HNRNPA1L2: variants seen among roughly 807,000 people sequenced by gnomAD.
HNRNPA1L2 encodes the protein heterogeneous nuclear ribonucleoprotein A1-like 2.
A neutral mutation model predicts 18.2 loss-of-function variants in HNRNPA1L2; 10 were observed. That is an observed-to-expected ratio of 0.55 (90% CI 0.34 to 0.93). The LOEUF (loss-of-function observed/expected upper bound fraction) is 0.93. Ranked by LOEUF, HNRNPA1L2 falls within the 40% of genes least tolerant of loss-of-function variation. HNRNPA1L2 has a pLI of 0.02. For missense variants in HNRNPA1L2, 308 were observed against 394.4 expected, an observed-to-expected ratio of 0.78 and a Z score of 1.85; for synonymous variants, 124 against 138.6, an observed-to-expected ratio of 0.89 and a Z score of 0.74.
upstream of HNRNPA1L2, chr13:52,641,728 C>T (rs1961663011): frequency 6.6e-6 from 1 of 152,192 alleles, no homozygotes; most frequent in South Asian, 2.1e-4. Context: ...GGAGTTGAGG[C>T]CCTATGTGGT....
the HNRNPA1L2 span, among the ~76,000 whole-genome samples, chr13:52,634,265 C>G: frequency 6.6e-6 from 1 of 152,150 alleles, no homozygotes; most frequent in Non-Finnish European, 1.5e-5. Context: ...AATTTTTTGT[C>G]AGGGCAGCTG....
chr13:52,635,535 A>G, the HNRNPA1L2 span, among the ~76,000 whole-genome samples: 1 of 151,708 alleles, frequency 6.6e-6, no homozygotes, highest in Non-Finnish European at 1.5e-5. Context: ...CACCCGTGAA[A>G]CTGCCACTTA....
the HNRNPA1L2 span, among the ~76,000 whole-genome samples, chr13:52,619,913 C>A: frequency 9.0e-6 from 1 of 110,584 alleles, no homozygotes; most frequent in African/African-American, 3.9e-5. Context: ...GAGCGAGATT[C>A]CGTCTCAAAA....
In HNRNPA1L2 at chr13:52,643,307, AT is replaced by A. The variant is rs1961730584; in HGVS notation, c.819del (p.Phe273LeufsTer4). 1 of 1,596,482 alleles carries A rather than the reference AT, an allele frequency of 6.3e-7. No individual in the cohort carries two copies. The highest frequency in any genetic ancestry group is 8.5e-7 in the Non-Finnish European group (1 of 1,178,948). On this transcript the variant is annotated frameshift_variant, in exon 1 of 1. Coordinates refer to ENST00000357495, the MANE Select transcript of HNRNPA1L2 (RefSeq NM_001389320.1). LOFTEE classifies it high-confidence loss of function. ...GGCAATTACAACAATCAGTCTTCAA[AT>A]TTTGGACCCATGAAGGGAGGAAATT... ...DFGNYNNQSSNFGPMKGGNFG... is the reference protein window; with the variant it reads ...DFGNYNNQSSXFGPMKGGNFG...
the HNRNPA1L2 span, among the ~76,000 whole-genome samples, chr13:52,620,644 C>T: frequency 6.6e-6 from 1 of 152,070 alleles, no homozygotes; most frequent in Non-Finnish European, 1.5e-5. Context: ...GCACAGTGGC[C>T]CAGGCATGTA....
the HNRNPA1L2 span, among the ~76,000 whole-genome samples, chr13:52,635,575 A>AACACACACACACACACAC: frequency 7.0e-6 from 1 of 143,284 alleles, no homozygotes; most frequent in Non-Finnish European, 1.5e-5. Context: ...GTCCTTTTGC[A>AACACACACACACACACAC]ACACACACAC....
chr13:52,621,734 T>C, the HNRNPA1L2 span, among the ~76,000 whole-genome samples: 1 of 145,462 alleles, frequency 6.9e-6, no homozygotes, highest in South Asian at 2.1e-4. Flanking sequence ...TTCTCTGATT[T>C]TCAGTTTCCT....
chr13:52,628,267 A>AC, the HNRNPA1L2 span, among the ~76,000 whole-genome samples: 2 of 152,046 alleles, frequency 1.3e-5, no homozygotes, highest in African/African-American at 2.4e-5. Context: ...GCAAAACAAG[A>AC]CCCCATCTTT....
chr13:52,624,765 C>T, the HNRNPA1L2 span, among the ~76,000 whole-genome samples: 2 of 152,282 alleles, frequency 1.3e-5, no homozygotes, highest in African/African-American at 4.8e-5. Flanking sequence ...AGCAGTGGCT[C>T]ATGCCTGTAA....
At chr13:52,619,872 A>C in the HNRNPA1L2 span, among the ~76,000 whole-genome samples, 18 of 149,568 alleles carry the variant, frequency 1.2e-4, no homozygotes, top group African/African-American at 4.0e-4. Context: ...AGTGAGCTGA[A>C]ATCGCGCCAC....
At chr13:52,637,094 A>G in the HNRNPA1L2 span, among the ~76,000 whole-genome samples, 1 of 152,272 alleles carries the variant, frequency 6.6e-6, no homozygotes, top group African/African-American at 2.4e-5. Context: ...AAGTGCTGGG[A>G]TTACAGGCAT....
At chr13:52,620,899 A>G in the HNRNPA1L2 span, among the ~76,000 whole-genome samples, 5 of 151,960 alleles carry the variant, frequency 3.3e-5, no homozygotes, top group African/African-American at 1.2e-4. Context: ...AATAATTTCT[A>G]TATATATTAA....
At chr13:52,632,212 G>T in the HNRNPA1L2 span, among the ~76,000 whole-genome samples, 1 of 152,162 alleles carries the variant, frequency 6.6e-6, no homozygotes, top group African/African-American at 2.4e-5. Context: ...AAATTAAGTT[G>T]CTGTAACTGA....
At chr13:52,635,102 G>A in the HNRNPA1L2 span, among the ~76,000 whole-genome samples, 2 of 152,176 alleles carry the variant, frequency 1.3e-5, no homozygotes, top group Non-Finnish European at 2.9e-5. Flanking sequence ...TAACAGTTGT[G>A]ATAGTTACCC....
chr13:52,631,167 T>C, the HNRNPA1L2 span, among the ~76,000 whole-genome samples: 5 of 152,268 alleles, frequency 3.3e-5, no homozygotes, highest in South Asian at 2.1e-4. Context: ...CCTGGACTTA[T>C]TGCTTCTGTT....
At chr13:52,622,956 TATC>T in the HNRNPA1L2 span, among the ~76,000 whole-genome samples, 1 of 152,158 alleles carries the variant, frequency 6.6e-6, no homozygotes, top group Non-Finnish European at 1.5e-5. Flanking sequence ...TGACTTCCCT[TATC>T]AGAACAAACA....
upstream of HNRNPA1L2, among the ~76,000 whole-genome samples, chr13:52,638,582 A>G (rs1281984403): frequency 1.3e-5 from 2 of 152,218 alleles, no homozygotes; most frequent in African/African-American, 4.8e-5. Context: ...TTGCTGAGGT[A>G]ATCAGCTTTA....
chr13:52,634,094 A>G, the HNRNPA1L2 span, among the ~76,000 whole-genome samples: 2 of 152,338 alleles, frequency 1.3e-5, no homozygotes, highest in Non-Finnish European at 2.9e-5. Context: ...TTCAATTAAC[A>G]TTTGTTCATT....
At chr13:52,620,634 G>C in the HNRNPA1L2 span, among the ~76,000 whole-genome samples, 1 of 152,178 alleles carries the variant, frequency 6.6e-6, no homozygotes, top group African/African-American at 2.4e-5. Context: ...TGTGGGCCAG[G>C]CACAGTGGCC....
Sources: gnomAD v4.1 joint callset for allele counts (sites outside exome capture counted in the v4.1 genomes callset) on GRCh38, gnomAD v4.1.1 for gene constraint, MANE v1.5 for transcripts, NCBI Gene and HGNC (gene_info 2026-07-23, HGNC 2026-07-21) for gene names.